The following PREX1 variants were observed in gnomAD, a reference collection of about 807,000 sequenced individuals.
PREX1 encodes phosphatidylinositol 3,4,5-trisphosphate-dependent Rac exchanger 1 protein.
A neutral mutation model predicts 198.3 loss-of-function variants in PREX1; 41 were observed. The ratio of observed to expected loss-of-function variants is 0.21; its 90% CI spans 0.16 to 0.27. PREX1 has a LOEUF of 0.27. Among genes scored for constraint, PREX1 ranks in the 10% least tolerant of loss-of-function variants. PREX1 has a pLI of 1.00. For missense variants in PREX1, 1,620 were observed against 2,200.7 expected, an observed-to-expected ratio of 0.74 and a Z score of 5.28; for synonymous variants, 843 against 887.2, an observed-to-expected ratio of 0.95 and a Z score of 0.89.
At chr20:48,708,521 C>T (rs1180488106) in intron 5 of PREX1, 100 bp from the exon 6 acceptor site, 4 of 1,287,718 alleles carry the variant, frequency 3.1e-6, no homozygotes, top group African/African-American at 1.5e-5. Flanking sequence ...AAAAACTCCT[C>T]GCCTGGTGGA....
At chr20:48,785,186 T>C (rs1490587443) in intron 1 of PREX1, among the ~76,000 whole-genome samples, 2 of 152,244 alleles carry the variant, frequency 1.3e-5, no homozygotes, top group Admixed American at 1.3e-4. Flanking sequence ...AGTGCTGGGA[T>C]TACAGGCGTG....
chr20:48,761,148 C>T (rs537433653), intron 1 of PREX1, among the ~76,000 whole-genome samples: 1 of 152,182 alleles, frequency 6.6e-6, no homozygotes, highest in Non-Finnish European at 1.5e-5. Context: ...TTGCGTGTAT[C>T]GGAGGACACA....
At chr20:48,864,559 G>A in the PREX1 span, among the ~76,000 whole-genome samples, 1 of 152,198 alleles carries the variant, frequency 6.6e-6, no homozygotes, top group African/African-American at 2.4e-5. Context: ...GTTCAGAGAG[G>A]TGAAATCATG....
intron 27 of PREX1, among the ~76,000 whole-genome samples, chr20:48,643,427 C>A (rs1331220615): frequency 1.3e-5 from 2 of 151,796 alleles, no homozygotes; most frequent in East Asian, 3.9e-4. Context: ...TGAGATCGTG[C>A]CACTGCACTC....
intron 3 of PREX1, among the ~76,000 whole-genome samples, chr20:48,736,834 C>A (rs1004223283): frequency 1.3e-5 from 2 of 152,136 alleles, no homozygotes; most frequent in African/African-American, 2.4e-5. Context: ...TAAAAAGCCA[C>A]CATGACCACT....
intron 6 of PREX1, among the ~76,000 whole-genome samples, chr20:48,706,987 A>G (rs985603640): frequency 6.6e-6 from 1 of 152,202 alleles, no homozygotes; most frequent in Non-Finnish European, 1.5e-5. Flanking sequence ...AAGGCTCCTC[A>G]GGTGGCATCA....
Position 48,652,653 on chromosome 20 carries a change from G to A in PREX1, c.2400C>T (p.Ala800=), listed in dbSNP as rs773101634. 167 of 1,613,606 alleles carry A rather than the reference G, an allele frequency of 1.0e-4. 1 individual carries two copies. Among genetic ancestry groups the A allele is most frequent in the Non-Finnish European group, 1.3e-4 (151 of 1,179,814 alleles). Residue 800 remains alanine, a synonymous_variant, in exon 21 of 40, where the codon GCC becomes GCT. Coordinates refer to ENST00000371941, the MANE Select transcript of PREX1 (RefSeq NM_020820.4). ...HTHEDAQEAR[A]SQEASTEDPS... is the part of the protein sequence containing the mutation. ...GGTCCTCAGTGGAGGCCTCCTGACTGGCTCGTGCTTCCTGGGCATCCTCAT... is the reference window on the plus strand; with the variant it reads ...GGTCCTCAGTGGAGGCCTCCTGACTAGCTCGTGCTTCCTGGGCATCCTCAT...
At chr20:48,756,859 A>G (rs891618837) in intron 1 of PREX1, among the ~76,000 whole-genome samples, 3 of 152,224 alleles carry the variant, frequency 2.0e-5, no homozygotes, top group Non-Finnish European at 4.4e-5. Flanking sequence ...CACATGGCTG[A>G]GGAGGCCTCA....
intron 1 of PREX1, among the ~76,000 whole-genome samples, chr20:48,778,261 A>G (rs1041285510): frequency 6.6e-6 from 1 of 152,150 alleles, no homozygotes; most frequent in African/African-American, 2.4e-5. Context: ...GTGTTGGAGG[A>G]TTCACATTAT....
At chr20:48,629,019 G>T (rs1217314280) in intron 37 of PREX1, among the ~76,000 whole-genome samples, 1 of 152,192 alleles carries the variant, frequency 6.6e-6, no homozygotes, top group Non-Finnish European at 1.5e-5. Context: ...AGTGGGCACA[G>T]TTTGTAACGG....
intron 1 of PREX1, among the ~76,000 whole-genome samples, chr20:48,820,546 G>A (rs1387645385): frequency 6.6e-6 from 1 of 152,184 alleles, no homozygotes; most frequent in Non-Finnish European, 1.5e-5. Context: ...TCAATCTCAC[G>A]TATTTCCACA....
chr20:48,879,553 G>A, the PREX1 span, among the ~76,000 whole-genome samples: 1 of 152,170 alleles, frequency 6.6e-6, no homozygotes, highest in Non-Finnish European at 1.5e-5. Context: ...AGGGCCTCCT[G>A]TATTCTGTTT....
At chr20:48,704,654 C>G (rs1005871702) in intron 6 of PREX1, among the ~76,000 whole-genome samples, 1 of 152,078 alleles carries the variant, frequency 6.6e-6, no homozygotes, top group South Asian at 2.1e-4. Flanking sequence ...CTCCCAGGTT[C>G]AAGCGATTCT....
At chr20:48,738,709 G>C (rs2090068076) in intron 3 of PREX1, among the ~76,000 whole-genome samples, 1 of 152,126 alleles carries the variant, frequency 6.6e-6, no homozygotes, top group African/African-American at 2.4e-5. Context: ...CTGCTGGCTG[G>C]AAACAGCCAG....
At chr20:48,730,823 C>T (rs2090031781) in intron 4 of PREX1, among the ~76,000 whole-genome samples, 2 of 151,706 alleles carry the variant, frequency 1.3e-5, no homozygotes, top group African/African-American at 4.8e-5. Context: ...AGCAAGACCC[C>T]ATCTCCACAA....
rs757152407 is a variant in PREX1, at chr20:48,627,569, T to C, written c.4916A>G (p.Gln1639Arg). 3.1e-6 allele frequency: 5 copies of C among 1,613,810 alleles called. No individual in the cohort carries two copies. Among genetic ancestry groups the C allele is most frequent in the Non-Finnish European group, 4.2e-6 (5 of 1,179,934 alleles). Residue 1639 changes from glutamine (Q) to arginine (R), a missense_variant, in exon 39 of 40, where the codon CAG (glutamine) becomes CGG (arginine). Coordinates refer to ENST00000371941, the MANE Select transcript of PREX1 (RefSeq NM_020820.4). ...TCACCGCGGAGCACCCTGGGGCATCTGGTCCTTGACTCGCAGGTTTTTGGC... is the reference window on the plus strand; with the variant it reads ...TCACCGCGGAGCACCCTGGGGCATCCGGTCCTTGACTCGCAGGTTTTTGGC... ...ILAKNLRVKD[Q>R]MPQGAPRLYR...
chr20:48,685,603 T>A (rs1281044748), intron 10 of PREX1, among the ~76,000 whole-genome samples: 4 of 152,128 alleles, frequency 2.6e-5, no homozygotes, highest in Non-Finnish European at 5.9e-5. Flanking sequence ...TGAGTCCAAG[T>A]CTAACTCAAA....
chr20:48,663,925 C>T (rs1369262419), intron 15 of PREX1, among the ~76,000 whole-genome samples: 1 of 152,076 alleles, frequency 6.6e-6, no homozygotes, highest in African/African-American at 2.4e-5. Context: ...CACACACACA[C>T]ACACGGGACT....
chr20:48,690,884 C>T lies in PREX1; in HGVS notation c.1186+63G>A, dbSNP rs910261752. 1.9e-6 allele frequency: 3 copies of T among 1,605,226 alleles called. No homozygotes were observed. The Admixed American group carries it at 5.0e-5, about 27-fold the overall frequency. On this transcript the variant is annotated intron_variant, in intron 9 of 39. Transcript: ENST00000371941. Reference sequence around the variant, plus strand: ...ATGCCCCTTCCCTAGACACAGCCCCCACTCAGAAGAAGCCACGCATAGCTC... The same window carrying T: ...ATGCCCCTTCCCTAGACACAGCCCCTACTCAGAAGAAGCCACGCATAGCTC...
Sources: allele counts gnomAD v4.1 joint callset (sites outside exome capture counted in the v4.1 genomes callset), GRCh38; gene constraint gnomAD v4.1.1; transcripts MANE v1.5; gene names NCBI Gene and HGNC (gene_info 2026-07-23, HGNC 2026-07-21).